Variants in MCFD2 observed in about 807,000 individuals in gnomAD.
MCFD2 encodes the protein multiple coagulation factor deficiency protein 2.
MCFD2 carries 11 observed loss-of-function variants against 12.8 expected under a neutral mutation model. The ratio of observed to expected loss-of-function variants is 0.86; its 90% confidence interval spans 0.54 to 1.42. The LOEUF (loss-of-function observed/expected upper bound fraction) is 1.42. Among genes scored for constraint, MCFD2 ranks in the 40% most tolerant of loss-of-function variants. The pLI, the probability that MCFD2 is intolerant of heterozygous loss-of-function variation, is 0.00. For missense variants in MCFD2, 191 were observed against 178.6 expected (o/e 1.07, Z -0.40); for synonymous variants, 70 against 68.1 (o/e 1.03, Z -0.14).
chr2:46,906,759 A>T (rs762045744), intron 3 of MCFD2: 1 of 152,558 alleles, frequency 6.6e-6, no homozygotes, highest in Non-Finnish European at 1.5e-5. Context: ...AAGTGCTGGG[A>T]TAATAGGCAT....
chr2:46,910,641 C>T (rs555751422), intron 1 of MCFD2: 1 of 152,310 alleles, frequency 6.6e-6, no homozygotes, highest in African/African-American at 2.4e-5. Context: ...GTGAGTATGC[C>T]ACCCTACAAC....
intron 1 of MCFD2, among the ~76,000 whole-genome samples, chr2:46,934,935 G>A (rs1380055057): frequency 6.6e-6 from 1 of 151,460 alleles, no homozygotes; most frequent in Non-Finnish European, 1.5e-5. Flanking sequence ...TGAGTAGCTG[G>A]AACTACAGGC....
chr2:46,934,159 G>T (rs974404472), intron 1 of MCFD2, among the ~76,000 whole-genome samples: 7 of 152,226 alleles, frequency 4.6e-5, no homozygotes, highest in Non-Finnish European at 8.8e-5. Flanking sequence ...ACCTTGACAT[G>T]GCTTTACTAT....
At chr2:46,916,901 G>C (rs188563184), upstream of MCFD2, among the ~76,000 whole-genome samples, 20 of 152,276 alleles carry the variant, frequency 1.3e-4, no homozygotes, top group Admixed American at 1.2e-3. Flanking sequence ...CCAAAGTGCT[G>C]GGATTACAGG....
At chr2:46,921,351 T>C (rs1669092947) in intron 1 of MCFD2, among the ~76,000 whole-genome samples, 1 of 152,228 alleles carries the variant, frequency 6.6e-6, no homozygotes, top group Non-Finnish European at 1.5e-5. Flanking sequence ...GGTATGTCTA[T>C]ATATGAGCAA....
intron 3 of MCFD2, 123 bp from the exon 4 acceptor site, chr2:46,905,717 G>GAAAAAAAAAAAA (rs1224530236): frequency 2.5e-6 from 2 of 802,230 alleles, no homozygotes; most frequent in African/African-American, 2.0e-5. Flanking sequence ...AAAAAAAAAG[G>GAAAAAAAAAAAA]AAAAACAAAA....
upstream of MCFD2, chr2:46,917,279 T>G: frequency 1.5e-6 from 1 of 677,874 alleles, no homozygotes; most frequent in Non-Finnish European, 2.7e-6. Context: ...ATTACAGGGG[T>G]GAGCCACCGC....
upstream of MCFD2, chr2:46,917,122 A>G: frequency 2.9e-6 from 2 of 693,586 alleles, no homozygotes; most frequent in Non-Finnish European, 5.2e-6. Context: ...TGAGATTGAA[A>G]TCTGCCACCC....
In MCFD2 at chr2:46,903,251, C is replaced by G. The variant is rs1328959301; in HGVS notation, c.*2212G>C. 6.4e-6 allele frequency: 1 copy of G among 155,912 alleles called. No individual in the cohort carries two copies. The highest frequency in any genetic ancestry group is 2.4e-5 in the African/African-American group (1 of 41,518). The allele number at this position is 155,912 out of a possible 1,614,324, so 9.7% of individuals were successfully genotyped here. On this transcript the variant is annotated 3_prime_UTR_variant, in exon 4 of 4. Transcript: ENST00000319466. ...GTGTCTTTTGCCTCCCACCATGATT[C>G]TGAGGCCTCCCCAGCCATGTGGAAC... is the stretch of plus-strand genomic sequence containing the variant.
In MCFD2 at chr2:46,910,373, G is replaced by T. The variant is rs147757731; in HGVS notation, c.-6-1196C>A. ...ACATACAAAAACAAAAGACCTGACC[G>T]AACACTCACTTCCCAACAGGCAAAA... On this transcript the variant is annotated intron_variant, in intron 1 of 3. Coordinates refer to ENST00000319466, the MANE Select transcript of MCFD2 (RefSeq NM_139279.6). Among the ~76,000 whole-genome samples the T allele has an allele frequency of 2.5e-3, 379 of 152,274 alleles. 3 individuals are homozygous for T. The highest frequency in any genetic ancestry group is 0.014 in the Middle Eastern group (4 of 294).
chr2:46,907,981 C>T lies in MCFD2; in HGVS notation c.150-12G>A, dbSNP rs763118443. 3 of 1,613,930 alleles carry T rather than the reference C, an allele frequency of 1.9e-6. No homozygotes were observed. The highest frequency in any genetic ancestry group is 1.7e-5 in the Admixed American group (1 of 60,026). On this transcript the variant is annotated splice_polypyrimidine_tract_variant and intron_variant, in intron 2 of 3. Coordinates refer to ENST00000319466, the MANE Select transcript of MCFD2 (RefSeq NM_139279.6). This position sits in a 1 kb window ranked among gnomAD's most constrained non-coding sequence, Gnocchi z 4.1. ...GCTCCATGATATGCCTAAAAATCAA[C>T]AGTCAGGTTCAGGCCAATTGACAGA...
chr2:46,908,558 C>A lies in MCFD2; in HGVS notation c.149+465G>T. 1 of 272,298 alleles carries A rather than the reference C, an allele frequency of 3.7e-6. No homozygotes were observed. The highest frequency in any genetic ancestry group is 7.1e-6 in the Non-Finnish European group (1 of 140,214). 16.9% of individuals were successfully genotyped at this position (272,298 alleles called of 1,614,324 possible). ...GGATTACAGGTGTGAGCCACTGCAC[C>A]CAGCCTTAAAAACAAAGGATAACCG... is the stretch of plus-strand genomic sequence containing the variant. On this transcript the variant is annotated intron_variant, in intron 2 of 3. Transcript: ENST00000319466. The surrounding 1 kb of genome is among the most constrained non-coding windows in gnomAD (Gnocchi z 4.5).
At chr2:46,936,451 G>A (rs572343999) in intron 1 of MCFD2, among the ~76,000 whole-genome samples, 63 of 152,138 alleles carry the variant, frequency 4.1e-4, no homozygotes, top group African/African-American at 1.4e-3. Context: ...CAATCTCTCC[G>A]GACCCTCTGT....
upstream of MCFD2, among the ~76,000 whole-genome samples, chr2:46,920,664 T>C (rs944283534): frequency 6.9e-6 from 1 of 145,952 alleles, no homozygotes. Flanking sequence ...AAAAAAAAAA[T>C]AGATAAATTT....
upstream of MCFD2, chr2:46,915,806 G>GGGGGGGGGGGGGCCCC: frequency 1.2e-5 from 6 of 512,578 alleles, no homozygotes; most frequent in Non-Finnish European, 1.3e-5. Context: ...CCTCGGCTTC[G>GGGGGGGGGGGGGCCCC]CCCCGCCCCC....
At chr2:46,927,611 C>T (rs754284478) in intron 1 of MCFD2, among the ~76,000 whole-genome samples, 1 of 151,854 alleles carries the variant, frequency 6.6e-6, no homozygotes, top group Non-Finnish European at 1.5e-5. Flanking sequence ...CTGCTCTCCT[C>T]GGCCTCCCAA....
At position 46,941,145 on chromosome 2, in the gene MCFD2, TCCCCA is replaced by T. The variant is rs1298396493; in HGVS notation, c.-8+422_-8+426del. The T allele has an allele frequency of 1.4e-5, 2 of 146,334 alleles. No homozygotes were observed. The highest frequency in any genetic ancestry group is 3.0e-5 in the Non-Finnish European group (2 of 65,684). 9.1% of individuals were successfully genotyped at this position (146,334 alleles called of 1,614,324 possible). A position where few individuals can be genotyped will look rare whatever the true frequency, so the allele number is the denominator to read the frequency against. ...CCAGCGAGCCCGGCTCGCCGAGGCC[TCCCCA>T]CGCCCCCGCGGGGGTGGAGCCGCGG... On this transcript the variant is annotated intron_variant, in intron 1 of 2. Transcript: ENST00000409147. This position sits in a 1 kb window ranked among gnomAD's most constrained non-coding sequence, Gnocchi z 4.2.
Position 46,902,715 on chromosome 2 carries a change from G to A in MCFD2, c.*2748C>T, listed in dbSNP as rs1668062487. On this transcript the variant is annotated 3_prime_UTR_variant, in exon 4 of 4. Coordinates refer to ENST00000319466, the MANE Select transcript of MCFD2 (RefSeq NM_139279.6). Reference sequence around the variant, plus strand: ...GTGGCTAGGCTGACATTCTTATGCTGTGGCTTTGAAATAGCCTAATAAATA... The same window carrying A: ...GTGGCTAGGCTGACATTCTTATGCTATGGCTTTGAAATAGCCTAATAAATA... 1 of 152,442 alleles carries A rather than the reference G, an allele frequency of 6.6e-6. No individual in the cohort carries two copies. Among genetic ancestry groups the A allele is most frequent in the Admixed American group, 6.5e-5 (1 of 15,280 alleles). 9.4% of individuals were successfully genotyped at this position (152,442 alleles called of 1,614,324 possible).
upstream of MCFD2, among the ~76,000 whole-genome samples, chr2:46,920,033 A>T (rs1226471005): frequency 1.3e-5 from 2 of 152,198 alleles, no homozygotes; most frequent in Admixed American, 6.5e-5. Context: ...CAGATATACT[A>T]TAAACTGGGG....
Sources: allele counts gnomAD v4.1 joint callset (sites outside exome capture counted in the v4.1 genomes callset), GRCh38; gene constraint gnomAD v4.1.1; non-coding constraint Gnocchi (gnomAD v3.1); transcripts MANE v1.5; gene names NCBI Gene and HGNC (gene_info 2026-07-23, HGNC 2026-07-21).